Variants in CADPS observed in about 807,000 individuals in gnomAD.
CADPS encodes the protein calcium dependent secretion activator, also known as calcium-dependent secretion activator 1.
A neutral mutation model predicts 167.3 loss-of-function variants in CADPS; 57 were observed. The observed-to-expected ratio is 0.34, with a 90% CI of 0.28 to 0.42. The LOEUF (loss-of-function observed/expected upper bound fraction) is 0.42. Among genes scored for constraint, CADPS ranks in the 20% least tolerant of loss-of-function variants. The pLI is 1.00. For missense variants in CADPS, 1,414 were observed against 1,738.1 expected (o/e 0.81, Z 3.32); for synonymous variants, 676 against 635.3 (o/e 1.06, Z -0.96).
chr3:62,783,388 C>T (rs989469), intron 1 of CADPS, among the ~76,000 whole-genome samples: 27,851 of 151,800 alleles, frequency 0.18, 2,785 homozygotes, highest in Middle Eastern at 0.3. Context: ...TAATGGTAAA[C>T]CAAGACTATT....
rs965615274 is a variant in CADPS at position 62,489,446 on chromosome 3, C to T, written c.3026+1893G>A. 3.3e-5 allele frequency among the ~76,000 whole-genome samples: 5 copies of T among 152,214 alleles called. No homozygotes were observed. The South Asian group carries it at 8.3e-4, about 25-fold the overall frequency. On this transcript the variant is annotated intron_variant, in intron 21 of 29. Transcript: ENST00000383710. ...AAGTGCTGGGATTACTGGCGTGAGCCGCCGCACCCGGCCGTGTTTGACTTT... is the reference window on the plus strand; with the variant it reads ...AAGTGCTGGGATTACTGGCGTGAGCTGCCGCACCCGGCCGTGTTTGACTTT...
rs2060046491 is a variant in CADPS at position 62,467,246 on chromosome 3, A to T, written c.3478-833T>A. 2.5e-5 allele frequency: 25 copies of T among 1,013,800 alleles called. No individual in the cohort carries two copies. In the South Asian group the frequency reaches 3.6e-4, roughly 15 times the overall value. The allele number at this position is 1,013,800 out of a possible 1,614,324, so 62.8% of individuals were successfully genotyped here. A position where few individuals can be genotyped will look rare whatever the true frequency, so the allele number is the denominator to read the frequency against. ...ATTTGAATTATCCCATATTTCCCTAACAAAAAATAACAATGCAAGACATTG... is the reference window on the plus strand; with the variant it reads ...ATTTGAATTATCCCATATTTCCCTATCAAAAAATAACAATGCAAGACATTG... On this transcript the variant is annotated intron_variant, in intron 24 of 29. Transcript: ENST00000383710.
chr3:62,607,205 C>G lies in CADPS; in HGVS notation c.1326-14457G>C, dbSNP rs572154365. On this transcript the variant is annotated intron_variant, in intron 6 of 29. Transcript: ENST00000383710. The stretch of plus-strand genomic sequence containing the variant: ...AAGTCCATGGCAGTCACTCAATAAA[C>G]ACCTGCCTAATGACTTTAGTGACTT... Among the ~76,000 whole-genome samples the G allele has an allele frequency of 2.0e-5, 3 of 152,290 alleles. No individual in the cohort carries two copies. The East Asian group carries it at 5.8e-4, about 29-fold the overall frequency.
chr3:62,506,923 C>T (rs1181047062), intron 17 of CADPS, among the ~76,000 whole-genome samples: 3 of 152,192 alleles, frequency 2.0e-5, no homozygotes, highest in Non-Finnish European at 2.9e-5. Flanking sequence ...CAACCATTAG[C>T]TCCAGTCACA....
At chr3:62,605,859 T>C (rs917257672) in intron 6 of CADPS, among the ~76,000 whole-genome samples, 2 of 152,230 alleles carry the variant, frequency 1.3e-5, no homozygotes, top group Non-Finnish European at 2.9e-5. Context: ...TCAAACATCA[T>C]GAAATGAGCT....
chr3:62,513,519 C>T (rs1577059048), intron 16 of CADPS: 2 of 655,990 alleles, frequency 3.0e-6, no homozygotes, highest in East Asian at 2.8e-5. Context: ...AACCAACAGA[C>T]AAGCCAATGC....
intron 1 of CADPS, among the ~76,000 whole-genome samples, chr3:62,802,361 G>C (rs530331516): frequency 6.6e-6 from 1 of 152,040 alleles, no homozygotes; most frequent in African/African-American, 2.4e-5. Flanking sequence ...CTCTTTGCCC[G>C]GAATGTTTTC....
chr3:62,487,202 A>G (rs1172144096), intron 21 of CADPS, among the ~76,000 whole-genome samples: 1 of 152,210 alleles, frequency 6.6e-6, no homozygotes, highest in Admixed American at 6.5e-5. Context: ...TTGAGTGACC[A>G]TCTGTCAGGG....
intron 7 of CADPS, among the ~76,000 whole-genome samples, chr3:62,589,441 T>G (rs2085427013): frequency 6.6e-6 from 1 of 152,224 alleles, no homozygotes; most frequent in Admixed American, 6.5e-5. Flanking sequence ...TGAGTGTGTG[T>G]GGGGCTGTGG....
chr3:62,553,377 A>AT (rs1249935381), intron 10 of CADPS, among the ~76,000 whole-genome samples: 1 of 152,210 alleles, frequency 6.6e-6, no homozygotes, highest in Admixed American at 6.5e-5. Context: ...AAGTACTATT[A>AT]TTCCATTTTA....
chr3:62,507,101 C>G (rs1427650304), intron 17 of CADPS, among the ~76,000 whole-genome samples: 1 of 151,810 alleles, frequency 6.6e-6, no homozygotes, highest in South Asian at 2.1e-4. Context: ...CTACTAAGTA[C>G]CCACTTAGTC....
At chr3:62,422,642 T>A (rs140118621) in intron 28 of CADPS, among the ~76,000 whole-genome samples, 1 of 152,216 alleles carries the variant, frequency 6.6e-6, no homozygotes, top group Non-Finnish European at 1.5e-5. Context: ...ATTGCTGACA[T>A]CTTAGGCATT....
chr3:62,558,269 C>T (rs2078533926), intron 9 of CADPS, among the ~76,000 whole-genome samples: 1 of 152,240 alleles, frequency 6.6e-6, no homozygotes, highest in Non-Finnish European at 1.5e-5. Context: ...GCAGCCCTCA[C>T]TCTACCAACA....
At chr3:62,739,182 C>T (rs559001477) in intron 3 of CADPS, among the ~76,000 whole-genome samples, 1 of 152,158 alleles carries the variant, frequency 6.6e-6, no homozygotes, top group Admixed American at 6.5e-5. Context: ...TGTACTTTCA[C>T]ACTTTTACTT....
At chr3:62,774,166 G>A (rs549754) in intron 1 of CADPS, among the ~76,000 whole-genome samples, 5,915 of 152,094 alleles carry the variant, frequency 0.039, 395 homozygotes, top group African/African-American at 0.13. Flanking sequence ...AGAGGAAAAG[G>A]ATCAAAGGGG....
chr3:62,541,867 T>C lies in CADPS; in HGVS notation c.1967-5286A>G, dbSNP rs182322953. Reference sequence around the variant, plus strand: ...ATTATCTCAGTATCAAGCACACTTATATGATCTTGTTTCTAACATATATAT... The same window carrying C: ...ATTATCTCAGTATCAAGCACACTTACATGATCTTGTTTCTAACATATATAT... On this transcript the variant is annotated intron_variant, in intron 11 of 29. Transcript: ENST00000383710. Among the ~76,000 whole-genome samples the C allele has an allele frequency of 3.4e-3, 518 of 152,306 alleles. 2 individuals are homozygous for C. Among genetic ancestry groups the C allele is most frequent in the Middle Eastern group, 0.027 (8 of 294 alleles).
chr3:62,399,295 C>T lies in CADPS; in HGVS notation c.*111G>A, dbSNP rs1199940057. 7 of 975,072 alleles carry T rather than the reference C, an allele frequency of 7.2e-6. No homozygotes were observed. The highest frequency in any genetic ancestry group is 3.0e-4 in the Middle Eastern group (1 of 3,382). 60.4% of individuals were successfully genotyped at this position (975,072 alleles called of 1,614,324 possible). On this transcript the variant is annotated 3_prime_UTR_variant, in exon 30 of 30. Coordinates refer to ENST00000383710, the MANE Select transcript of CADPS (RefSeq NM_003716.4). This position sits in a 1 kb window ranked among gnomAD's most constrained non-coding sequence, Gnocchi z 5.6. Reference sequence around the variant, plus strand: ...CTAAAATGGCAGTTGTATTGATAAACATCTCATGGGCATGGTAGTTGACAG... The same window carrying T: ...CTAAAATGGCAGTTGTATTGATAAATATCTCATGGGCATGGTAGTTGACAG...
intron 21 of CADPS, among the ~76,000 whole-genome samples, chr3:62,491,048 A>T (rs1236905032): frequency 6.6e-6 from 1 of 152,200 alleles, no homozygotes; most frequent in Non-Finnish European, 1.5e-5. Context: ...ATACCACACA[A>T]ATATCACAGC....
intron 28 of CADPS, among the ~76,000 whole-genome samples, chr3:62,405,142 G>C (rs867124898): frequency 1.7e-4 from 25 of 150,398 alleles, no homozygotes; most frequent in South Asian, 1.5e-3. Flanking sequence ...AATCTGGGGG[G>C]GGGGGGGGCT....
Sources: allele counts gnomAD v4.1 joint callset (sites outside exome capture counted in the v4.1 genomes callset), GRCh38; gene constraint gnomAD v4.1.1; non-coding constraint Gnocchi (gnomAD v3.1); transcripts MANE v1.5; gene names NCBI Gene and HGNC (gene_info 2026-07-23, HGNC 2026-07-21).